The following MTBP variants were observed in gnomAD, a reference collection of about 807,000 sequenced individuals.
MTBP encodes mdm2-binding protein.
Under a neutral mutation model 117.0 loss-of-function variants are expected in MTBP, and 101 were observed. The ratio of observed to expected loss-of-function variants is 0.86; its 90% CI spans 0.73 to 1.02. The LOEUF (loss-of-function observed/expected upper bound fraction) is 1.02. Ranked by LOEUF, MTBP falls within the 50% of genes least tolerant of loss-of-function variation. The probability of loss-of-function intolerance (pLI) is 0.00; values close to 1 mark genes in which losing one functional copy is unlikely to be tolerated. For synonymous variants in MTBP, 350 were observed against 351.5 expected, an observed-to-expected ratio of 1.00 and a Z score of 0.05; for missense variants, 970 against 1,030.9, an observed-to-expected ratio of 0.94 and a Z score of 0.81.
intron 1 of MTBP, 100 bp downstream of exon 1, chr8:120,445,688 T>G (rs76673854): frequency 1.1e-4 from 102 of 930,416 alleles, no homozygotes; most frequent in Non-Finnish European, 1.4e-4. Flanking sequence ...AATATGTAGT[T>G]GTCCCACGAA....
chr8:120,488,401 T>TAAA (rs1814265251), intron 12 of MTBP, 69 bp downstream of exon 12: 1 of 1,179,054 alleles, frequency 8.5e-7, no homozygotes, highest in Non-Finnish European at 1.1e-6. Flanking sequence ...TATGTGGCTT[T>TAAA]AAGTAGAAGA....
chr8:120,492,285 G>T (rs943730389), intron 13 of MTBP, among the ~76,000 whole-genome samples: 16 of 152,208 alleles, frequency 1.1e-4, no homozygotes, highest in African/African-American at 3.6e-4. Context: ...AGACAAAGAT[G>T]CATCTGTTTA....
intron 11 of MTBP, among the ~76,000 whole-genome samples, 176 bp from the exon 12 acceptor site, chr8:120,487,983 G>C (rs1814253795): frequency 3.9e-5 from 6 of 152,154 alleles, no homozygotes; most frequent in Admixed American, 3.3e-4. Flanking sequence ...TAATTGTTAT[G>C]ATTTTTTGCT....
At chr8:120,501,267 C>T (rs1814581161) in intron 14 of MTBP, among the ~76,000 whole-genome samples, 1 of 151,534 alleles carries the variant, frequency 6.6e-6, no homozygotes, top group Non-Finnish European at 1.5e-5. Flanking sequence ...GAGGCTGAGC[C>T]AGGAGAATGG....
chr8:120,471,395 T>C (rs1408544235), intron 11 of MTBP: 1 of 152,918 alleles, frequency 6.5e-6, no homozygotes, highest in Non-Finnish European at 1.5e-5. Context: ...CTCCACCTCC[T>C]GGGTTCAAGT....
chr8:120,490,603 T>A, intron 13 of MTBP, 33 bp downstream of exon 13: 1 of 1,404,396 alleles, frequency 7.1e-7, no homozygotes, highest in Non-Finnish European at 9.9e-7. Flanking sequence ...TATCCTACCC[T>A]AAAAATGTTG....
At chr8:120,521,059 G>C (rs1038354891) in intron 20 of MTBP, among the ~76,000 whole-genome samples, 3 of 152,068 alleles carry the variant, frequency 2.0e-5, no homozygotes, top group African/African-American at 7.2e-5. Flanking sequence ...GCAGCAACTA[G>C]AACAAATTAG....
chr8:120,456,767 A>C (rs1035827371), intron 7 of MTBP, 97 bp downstream of exon 7: 5 of 727,698 alleles, frequency 6.9e-6, no homozygotes, highest in Admixed American at 2.4e-5. Flanking sequence ...CCTTATAAAG[A>C]TATTCTAGAA....
intron 4 of MTBP, 35 bp from the exon 5 acceptor site, chr8:120,453,812 G>T (rs774411365): frequency 1.9e-6 from 2 of 1,062,046 alleles, no homozygotes; most frequent in East Asian, 2.5e-5. Flanking sequence ...TATATTTATG[G>T]GGTTTTCTTT....
At chr8:120,506,603 C>A in intron 15 of MTBP, 103 bp from the exon 16 acceptor site, 1 of 857,126 alleles carries the variant, frequency 1.2e-6, no homozygotes, top group African/African-American at 1.8e-5. Context: ...CTGGTTTCTG[C>A]TCACATCTTC....
chr8:120,471,450 C>G (rs1289719676), intron 11 of MTBP: 3 of 152,126 alleles, frequency 2.0e-5, no homozygotes, highest in African/African-American at 4.8e-5. Context: ...TTACAGGCAC[C>G]CACCACCATG....
At chr8:120,507,464 A>G (rs1490045951) in intron 16 of MTBP, among the ~76,000 whole-genome samples, 2 of 152,168 alleles carry the variant, frequency 1.3e-5, no homozygotes, top group African/African-American at 4.8e-5. Context: ...AAATTGTGAC[A>G]TCAAATACCT....
intron 17 of MTBP, among the ~76,000 whole-genome samples, chr8:120,510,501 A>T (rs1437808029): frequency 6.6e-6 from 1 of 152,216 alleles, no homozygotes; most frequent in Non-Finnish European, 1.5e-5. Flanking sequence ...GAAAATAGAT[A>T]AACTATGGTA....
At chr8:120,467,490 C>T (rs944653299) in intron 10 of MTBP, among the ~76,000 whole-genome samples, 7 of 152,080 alleles carry the variant, frequency 4.6e-5, no homozygotes, top group East Asian at 1.9e-4. Context: ...TGGTGGCATG[C>T]GCCTACTTGG....
intron 8 of MTBP, 27 bp from the exon 9 acceptor site, chr8:120,461,134 A>G (rs2130529289): frequency 6.9e-7 from 1 of 1,442,846 alleles, no homozygotes; most frequent in East Asian, 2.3e-5. Context: ...GTATTTAAAT[A>G]TTACACAATT....
intron 13 of MTBP, 39 bp from the exon 14 acceptor site, chr8:120,497,354 G>A (rs1375258039): frequency 6.5e-7 from 1 of 1,539,952 alleles, no homozygotes. Flanking sequence ...GAGCTCCAGA[G>A]AATACAAAAT....
intron 16 of MTBP, among the ~76,000 whole-genome samples, chr8:120,509,128 G>C (rs1814749653): frequency 6.6e-6 from 1 of 152,142 alleles, no homozygotes. Flanking sequence ...TCTTAAAGTA[G>C]GTGCCAGTGA....
chr8:120,515,933 T>C lies in MTBP; in HGVS notation c.1988T>C (p.Leu663Ser). The change falls in exon 18 of 22, where the codon TTG becomes TCG. Residue 663 changes from leucine (L) to serine (S), a missense_variant. Leu to Ser is a moderately radical substitution (Grantham distance 145). Coordinates refer to ENST00000305949, the MANE Select transcript of MTBP (RefSeq NM_022045.5). ...TCTTTCACTCATTTTAGATATTGCTTGGATGACCGAAAAGCTTTGGAAAGA... is the reference window on the plus strand; with the variant it reads ...TCTTTCACTCATTTTAGATATTGCTCGGATGACCGAAAAGCTTTGGAAAGA... Reference protein sequence around the residue: ...VCHYHGIEYCLDDRKALERDG... With the variant: ...VCHYHGIEYCSDDRKALERDG... 1 of 1,612,112 alleles carries C rather than the reference T, an allele frequency of 6.2e-7. No homozygotes were observed. Among genetic ancestry groups the C allele is most frequent in the East Asian group, 2.2e-5 (1 of 44,844 alleles).
intron 7 of MTBP, among the ~76,000 whole-genome samples, chr8:120,457,432 G>A (rs985982395): frequency 1.3e-5 from 2 of 152,130 alleles, no homozygotes; most frequent in African/African-American, 4.8e-5. Flanking sequence ...TTCCTCTAAA[G>A]TTTTGTTACA....
Sources: allele counts gnomAD v4.1 joint callset (sites outside exome capture counted in the v4.1 genomes callset), GRCh38; gene constraint gnomAD v4.1.1; transcripts MANE v1.5; gene names NCBI Gene and HGNC (gene_info 2026-07-23, HGNC 2026-07-21).